Variants in GPHN observed in about 807,000 individuals in gnomAD.
GPHN encodes gephyrin.
GPHN carries 17 observed loss-of-function variants against 95.5 expected under a neutral mutation model. The ratio of observed to expected loss-of-function variants is 0.18; its 90% CI spans 0.12 to 0.27. The LOEUF is 0.27. Among genes scored for constraint, GPHN ranks in the 10% least tolerant of loss-of-function variants. The pLI, the probability that GPHN is intolerant of heterozygous loss-of-function variation, is 1.00. For synonymous variants in GPHN, 320 were observed against 322.5 expected (o/e 0.99, Z 0.08); for missense variants, 660 against 978.1 (o/e 0.67, Z 4.34).
chr14:67,235,998 C>A, the GPHN span, among the ~76,000 whole-genome samples: 1 of 152,062 alleles, frequency 6.6e-6, no homozygotes, highest in Non-Finnish European at 1.5e-5. Context: ...TTATGACATA[C>A]AACATAGTAT....
At chr14:67,416,918 T>C in the GPHN span, among the ~76,000 whole-genome samples, 8 of 152,266 alleles carry the variant, frequency 5.3e-5, no homozygotes, top group African/African-American at 9.6e-5. Flanking sequence ...GTGGTCCTAC[T>C]GTGCATGACC....
intron 11 of GPHN, among the ~76,000 whole-genome samples, chr14:67,065,674 C>T (rs1003911293): frequency 6.6e-6 from 1 of 151,748 alleles, no homozygotes; most frequent in African/African-American, 2.4e-5. Context: ...ATCCCTTTAC[C>T]ATTATATAAT....
chr14:66,904,240 C>A (rs2065258943), intron 5 of GPHN, among the ~76,000 whole-genome samples: 1 of 152,080 alleles, frequency 6.6e-6, no homozygotes, highest in Non-Finnish European at 1.5e-5. Context: ...AAGAACAAAC[C>A]TTCCACAGGG....
At chr14:67,215,877 C>G in the GPHN span, among the ~76,000 whole-genome samples, 3 of 152,180 alleles carry the variant, frequency 2.0e-5, no homozygotes, top group African/African-American at 4.8e-5. Flanking sequence ...AAATCAAAAT[C>G]TCACAAAGTT....
At chr14:67,489,036 A>C in the GPHN span, among the ~76,000 whole-genome samples, 68,432 of 152,072 alleles carry the variant, frequency 0.45, 16,557 homozygotes, top group Non-Finnish European at 0.54. Flanking sequence ...GACAGGGGAC[A>C]TGAGGCTCCT....
chr14:66,575,547 G>T (rs756037967), intron 1 of GPHN, among the ~76,000 whole-genome samples: 37 of 152,188 alleles, frequency 2.4e-4, no homozygotes, highest in Non-Finnish European at 4.9e-4. Context: ...GTGTTTCTGA[G>T]TGGGCTTGCT....
intron 4 of GPHN, among the ~76,000 whole-genome samples, chr14:66,865,554 T>C (rs1482156260): frequency 6.6e-6 from 1 of 152,130 alleles, no homozygotes; most frequent in Non-Finnish European, 1.5e-5. Context: ...ATATGAAGCA[T>C]TTCTTTGTTT....
chr14:67,229,948 T>C, the GPHN span, among the ~76,000 whole-genome samples: 4 of 152,166 alleles, frequency 2.6e-5, no homozygotes, highest in South Asian at 2.1e-4. Context: ...ACAGAAGAAG[T>C]TTGTTTCCAA....
chr14:67,116,147 C>A (rs907589002), intron 16 of GPHN, among the ~76,000 whole-genome samples: 5 of 151,990 alleles, frequency 3.3e-5, no homozygotes, highest in Non-Finnish European at 7.4e-5. Context: ...ACAAAAAATA[C>A]AAGCCAGGCA....
At chr14:66,923,313 AG>A (rs1461508173) in intron 7 of GPHN, among the ~76,000 whole-genome samples, 2 of 151,988 alleles carry the variant, frequency 1.3e-5, no homozygotes, top group Non-Finnish European at 2.9e-5. Flanking sequence ...AGCAAACTGA[AG>A]GTAAAAGACC....
intron 2 of GPHN, among the ~76,000 whole-genome samples, chr14:66,766,262 T>C (rs2058958476): frequency 6.6e-6 from 1 of 152,130 alleles, no homozygotes; most frequent in African/African-American, 2.4e-5. Flanking sequence ...AATTTGAGTG[T>C]CTGAACAAGT....
At chr14:66,828,524 T>C (rs2061463515) in intron 4 of GPHN, among the ~76,000 whole-genome samples, 1 of 152,112 alleles carries the variant, frequency 6.6e-6, no homozygotes, top group South Asian at 2.1e-4. Flanking sequence ...AAAGCACAAA[T>C]ACTAATTTGA....
At position 67,180,811 on chromosome 14, in the gene GPHN, A is replaced by C; in HGVS notation, c.2184A>C (p.Gln728His). ...PLPWAQSTGN[Q>H]MSSRLMSMRS... ...AAGAGTATTTCTTTCTAGGTAATCA[A>C]ATGAGCAGCCGTCTGATGAGCATGC... The change falls in exon 23 of 23, where the codon CAA (glutamine) becomes CAC (histidine). Residue 728 changes from glutamine (Q) to histidine (H), a missense_variant. Around this residue, in one of 6 missense-constraint regions of GPHN, gnomAD observed 48 missense variants for 137.4 expected, o/e 0.35. Transcript: ENST00000478722. The C allele has an allele frequency of 1.2e-6, 2 of 1,613,716 alleles. No individual in the cohort carries two copies. The highest frequency in any genetic ancestry group is 1.7e-6 in the Non-Finnish European group (2 of 1,179,778).
At chr14:67,479,500 C>T in the GPHN span, among the ~76,000 whole-genome samples, 1 of 138,160 alleles carries the variant, frequency 7.2e-6, no homozygotes, top group African/African-American at 2.7e-5. Context: ...GGTAGATCAC[C>T]TGAGGTCAGG....
intron 12 of GPHN, among the ~76,000 whole-genome samples, chr14:67,093,644 C>T (rs955122192): frequency 6.6e-6 from 1 of 151,998 alleles, no homozygotes; most frequent in African/African-American, 2.4e-5. Context: ...CCAATACTAA[C>T]AATTAATAGG....
chr14:66,591,735 G>A (rs1039486501), intron 1 of GPHN, among the ~76,000 whole-genome samples: 1 of 152,156 alleles, frequency 6.6e-6, no homozygotes, highest in Non-Finnish European at 1.5e-5. Flanking sequence ...ACTGCCCAAA[G>A]TAATTTATAG....
chr14:67,518,827 G>A, the GPHN span, among the ~76,000 whole-genome samples: 1 of 152,236 alleles, frequency 6.6e-6, no homozygotes, highest in African/African-American at 2.4e-5. Context: ...TCAAGAGGGT[G>A]ATTCCAGTGG....
the GPHN span, among the ~76,000 whole-genome samples, chr14:67,465,683 T>C: frequency 6.6e-6 from 1 of 152,214 alleles, no homozygotes; most frequent in African/African-American, 2.4e-5. Flanking sequence ...ACCCCTATAC[T>C]GGGTTGAATG....
intron 2 of GPHN, among the ~76,000 whole-genome samples, chr14:66,745,539 A>G (rs1022046685): frequency 4.6e-5 from 7 of 152,038 alleles, no homozygotes; most frequent in African/African-American, 1.4e-4. Context: ...GGGATTATAA[A>G]TGATAATTTG....
Sources: allele counts gnomAD v4.1 joint callset (sites outside exome capture counted in the v4.1 genomes callset), GRCh38; gene constraint gnomAD v4.1.1; regional missense constraint gnomAD v4.1.1; transcripts MANE v1.5; gene names NCBI Gene and HGNC (gene_info 2026-07-23, HGNC 2026-07-21).